MBTPS1: variants seen among roughly 807,000 people sequenced by gnomAD.
MBTPS1 encodes membrane bound transcription factor peptidase, site 1.
MBTPS1 carries 94 observed loss-of-function variants against 127.8 expected under a neutral mutation model. The ratio of observed to expected loss-of-function variants is 0.74; its 90% CI spans 0.62 to 0.87. The LOEUF (loss-of-function observed/expected upper bound fraction) is 0.87, where lower values mean the gene tolerates loss of function less well. MBTPS1 is among the 40% of genes least tolerant of loss of function. MBTPS1 has a pLI of 0.00. For synonymous variants in MBTPS1, 632 were observed against 509.4 expected, an observed-to-expected ratio of 1.24 and a Z score of -3.24; for missense variants, 1,636 against 1,353.2, an observed-to-expected ratio of 1.21 and a Z score of -3.28.
chr16:84,093,955 A>G (rs544796472), intron 4 of MBTPS1, 134 bp from the exon 5 acceptor site: 73 of 683,876 alleles, frequency 1.1e-4, no homozygotes, highest in Middle Eastern at 3.2e-4. Flanking sequence ...CTCAGAGCAA[A>G]TAAGTTAGGT....
rs575632367 is a variant in MBTPS1, at chr16:84,114,891, T to C, written c.-325+1844A>G. On this transcript the variant is annotated intron_variant, in intron 1 of 22. Coordinates refer to ENST00000343411, the MANE Select transcript of MBTPS1 (RefSeq NM_003791.4). ...AATTCCGCAGCACTGATGGCAGCAATGTACAGTTCACCTTAGCCTTCAGTC... is the reference window on the plus strand; with the variant it reads ...AATTCCGCAGCACTGATGGCAGCAACGTACAGTTCACCTTAGCCTTCAGTC... Among the ~76,000 whole-genome samples the C allele has an allele frequency of 6.7e-4, 101 of 151,300 alleles. 1 individual carries two copies. Among genetic ancestry groups the C allele is most frequent in the Middle Eastern group, 3.4e-3 (1 of 294 alleles).
At chr16:84,107,166 G>C (rs1048081198) in intron 1 of MBTPS1, among the ~76,000 whole-genome samples, 10 of 152,288 alleles carry the variant, frequency 6.6e-5, no homozygotes, top group African/African-American at 2.4e-4. Context: ...AAATCAGTGG[G>C]AAATAATTTG....
Position 84,069,914 on chromosome 16 carries a change from C to A in MBTPS1, c.1907G>T (p.Gly636Val), listed in dbSNP as rs777162804. The change falls in exon 14 of 23, where the codon GGC (glycine) becomes GTC (valine). Residue 636 changes from glycine to valine, a missense_variant. Coordinates refer to ENST00000343411, the MANE Select transcript of MBTPS1 (RefSeq NM_003791.4). ...DQYHNLRYPP[G>V]YFPRDNLRMK... is the part of the protein sequence containing the mutation. ...CCTTAAATTATCCCTGGGGAAATAG[C>A]CAGGTGGATAGCGGAGGTTGTGGTA... The A allele has an allele frequency of 6.2e-7, 1 of 1,614,082 alleles. No individual in the cohort carries two copies. The highest frequency in any genetic ancestry group is 1.7e-5 in the Admixed American group (1 of 60,012).
At chr16:84,079,995 C>G (rs1438371951) in intron 11 of MBTPS1, among the ~76,000 whole-genome samples, 4 of 152,202 alleles carry the variant, frequency 2.6e-5, no homozygotes, top group Admixed American at 1.3e-4. Flanking sequence ...GGAGACAGAA[C>G]TGATACCAAG....
intron 18 of MBTPS1, 127 bp from the exon 19 acceptor site, chr16:84,063,572 C>T (rs1247059011): frequency 5.6e-6 from 5 of 889,556 alleles, no homozygotes; most frequent in African/African-American, 5.1e-5. Context: ...TAAAACATTG[C>T]AAATTTTTAG....
At chr16:84,071,473 G>C (rs1187706648) in intron 12 of MBTPS1, among the ~76,000 whole-genome samples, 2 of 152,204 alleles carry the variant, frequency 1.3e-5, no homozygotes, top group Non-Finnish European at 2.9e-5. Context: ...AAAAATATCT[G>C]TAGGATACGG....
intron 12 of MBTPS1, among the ~76,000 whole-genome samples, chr16:84,073,614 AT>A (rs2085805844): frequency 6.6e-6 from 1 of 151,952 alleles, no homozygotes; most frequent in South Asian, 2.1e-4. Context: ...GTTTTTCCCT[AT>A]TTTTTATTAT....
chr16:84,083,755 C>A (rs372913136), intron 10 of MBTPS1, among the ~76,000 whole-genome samples: 2 of 152,288 alleles, frequency 1.3e-5, no homozygotes, highest in African/African-American at 4.8e-5. Flanking sequence ...TCCAAATACG[C>A]AGAGTTTTGT....
intron 11 of MBTPS1, 185 bp downstream of exon 11, chr16:84,081,562 G>T: frequency 4.9e-6 from 2 of 404,876 alleles, no homozygotes; most frequent in East Asian, 3.6e-5. Context: ...ATCAGTAAGC[G>T]AAAGCAGCTA....
At chr16:84,056,194 A>C in intron 21 of MBTPS1, 59 bp from the exon 22 acceptor site, 2 of 1,426,020 alleles carry the variant, frequency 1.4e-6, no homozygotes, top group Non-Finnish European at 2.0e-6. Flanking sequence ...TCTAGGTACT[A>C]GTCTAGGAAG....
chr16:84,108,652 G>A (rs553912039), intron 1 of MBTPS1, among the ~76,000 whole-genome samples: 26 of 152,274 alleles, frequency 1.7e-4, no homozygotes, highest in Admixed American at 5.2e-4. Context: ...GAAGGCAGGC[G>A]TTCATGGGAG....
chr16:84,095,839 GAGCAA>G, intron 3 of MBTPS1, 34 bp from the exon 4 acceptor site: 1 of 1,577,562 alleles, frequency 6.3e-7, no homozygotes. Context: ...CAGAACAGAA[GAGCAA>G]AACGAACTAC....
intron 1 of MBTPS1, among the ~76,000 whole-genome samples, chr16:84,103,106 C>T (rs955865777): frequency 6.6e-6 from 1 of 152,024 alleles, no homozygotes; most frequent in Admixed American, 6.6e-5. Flanking sequence ...GAAAACAGAG[C>T]GATAGTAAAG....
chr16:84,064,370 G>A (rs1597307385), intron 18 of MBTPS1, among the ~76,000 whole-genome samples: 1 of 152,016 alleles, frequency 6.6e-6, no homozygotes, highest in South Asian at 2.1e-4. Context: ...TTTGCCTTGT[G>A]GTATTTGATG....
chr16:84,104,058 T>A (rs894158475), intron 1 of MBTPS1, among the ~76,000 whole-genome samples: 1 of 152,220 alleles, frequency 6.6e-6, no homozygotes, highest in African/African-American at 2.4e-5. Flanking sequence ...GCTTGATACA[T>A]CCAGCAATGG....
chr16:84,095,520 G>C, intron 4 of MBTPS1, 82 bp downstream of exon 4: 2 of 1,456,016 alleles, frequency 1.4e-6, no homozygotes, highest in South Asian at 1.2e-5. Flanking sequence ...ATTCCTGCAT[G>C]TCTGGACTTT....
At chr16:84,090,752 C>A in intron 8 of MBTPS1, 123 bp downstream of exon 8, 1 of 734,914 alleles carries the variant, frequency 1.4e-6, no homozygotes, top group Non-Finnish European at 2.3e-6. Flanking sequence ...GGAAAACATC[C>A]TTAAGACAAG....
chr16:84,095,471 G>A (rs1207267005), intron 4 of MBTPS1, 131 bp downstream of exon 4: 2 of 893,892 alleles, frequency 2.2e-6, no homozygotes, highest in East Asian at 2.6e-5. Flanking sequence ...AGATGTGGAA[G>A]GCTGCAGGGC....
intron 3 of MBTPS1, among the ~76,000 whole-genome samples, chr16:84,098,500 C>T (rs1338957490): frequency 6.6e-6 from 1 of 151,074 alleles, no homozygotes; most frequent in African/African-American, 2.4e-5. Flanking sequence ...ATCCCAGCTA[C>T]TTGGGAGGCT....
Sources: allele counts gnomAD v4.1 joint callset (sites outside exome capture counted in the v4.1 genomes callset), GRCh38; gene constraint gnomAD v4.1.1; transcripts MANE v1.5; gene names NCBI Gene and HGNC (gene_info 2026-07-23, HGNC 2026-07-21).